Variants in MPHOSPH9 observed in about 807,000 individuals in gnomAD.
The protein encoded by MPHOSPH9 is M-phase phosphoprotein 9.
MPHOSPH9 carries 88 observed loss-of-function variants against 145.5 expected under a neutral mutation model. That is an observed-to-expected ratio of 0.60 (90% confidence interval 0.51 to 0.72). The LOEUF (loss-of-function observed/expected upper bound fraction) is 0.72. MPHOSPH9 is among the 30% of genes least tolerant of loss of function. The probability of loss-of-function intolerance (pLI) is 0.00; values close to 1 mark genes in which losing one functional copy is unlikely to be tolerated. For synonymous variants in MPHOSPH9, 435 were observed against 486.2 expected (o/e 0.89, Z 1.39); for missense variants, 1,238 against 1,386.6 (o/e 0.89, Z 1.70).
rs1051576464 is a variant in MPHOSPH9, at chr12:123,202,687, G to A, written c.1718C>T (p.Thr573Ile). The A allele has an allele frequency of 2.5e-6, 4 of 1,614,014 alleles. No individual in the cohort carries two copies. Among genetic ancestry groups the A allele is most frequent in the Admixed American group, 3.3e-5 (2 of 59,980 alleles). Residue 573 changes from threonine (T) to isoleucine (I), a missense_variant, in exon 10 of 24, where the codon ACA becomes ATA. Thr to Ile is a moderately conservative substitution (Grantham distance 89). This residue lies in a region of MPHOSPH9 where 837 missense variants were observed against 897.5 expected (regional missense o/e 0.93). Coordinates refer to ENST00000606320, the MANE Select transcript of MPHOSPH9 (RefSeq NM_022782.4). ...ASVSQSQLPGTANSVPECISL... is the reference protein window; with the variant it reads ...ASVSQSQLPGIANSVPECISL... ...AATGCATTCTGGGACACTGTTGGCT[G>A]TACCTGGAAGCTGGGACTGACTGAC...
upstream of MPHOSPH9, chr12:123,233,208 T>G (rs959453802): frequency 6.6e-5 from 10 of 152,072 alleles, no homozygotes; most frequent in Admixed American, 1.3e-4. Flanking sequence ...CAGCCTCGCA[T>G]GGCGCGCGCG....
chr12:123,179,891 A>C (rs3759113), intron 15 of MPHOSPH9, 35 bp downstream of exon 15: 51,418 of 1,095,986 alleles, frequency 0.047, 2,157 homozygotes, highest in East Asian at 0.26. Flanking sequence ...AGAACAATTG[A>C]GGTATGTGTA....
At chr12:123,168,419 G>A (rs972755456) in intron 16 of MPHOSPH9, among the ~76,000 whole-genome samples, 1 of 148,350 alleles carries the variant, frequency 6.7e-6, no homozygotes, top group Non-Finnish European at 1.5e-5. Flanking sequence ...TCGGCTCACT[G>A]CAAGCTCCGC....
intron 11 of MPHOSPH9, among the ~76,000 whole-genome samples, chr12:123,198,699 A>T (rs1291186501): frequency 1.3e-5 from 2 of 150,318 alleles, no homozygotes; most frequent in African/African-American, 2.4e-5. Context: ...AGTCCCAGCT[A>T]CTCAGGAGGC....
intron 16 of MPHOSPH9, among the ~76,000 whole-genome samples, chr12:123,176,416 CA>C (rs2044865164): frequency 6.6e-6 from 1 of 151,908 alleles, no homozygotes; most frequent in African/African-American, 2.4e-5. Context: ...AAATGAATTC[CA>C]AAAAAGGTAA....
In MPHOSPH9 at chr12:123,221,519, C is replaced by A; in HGVS notation, c.725G>T (p.Gly242Val). The A allele has an allele frequency of 6.2e-7, 1 of 1,614,218 alleles. No individual in the cohort carries two copies. Among genetic ancestry groups the A allele is most frequent in the Non-Finnish European group, 8.5e-7 (1 of 1,180,050 alleles). ...TATATAAAAATTCTCATTTTTCACA[C>A]CATCTACAAGTGACTCAGCCGGCAC... ...PAVPAESLVD[G>V]VKNENFYIQT... Residue 242 changes from glycine to valine, a missense_variant, in exon 5 of 24, where the codon GGT becomes GTT. By Grantham distance (109) the Gly-to-Val change is moderately radical (BLOSUM62 -3). Transcript: ENST00000606320.
rs776417973 is a variant in MPHOSPH9 at position 123,221,354 on chromosome 12, G to C, written c.872+18C>G. On this transcript the variant is annotated intron_variant, in intron 5 of 23. Transcript: ENST00000606320. ...TAAATGTAATAAACTCCCTTCAAATGATAGAAATTCTACTTACCTATTTGT... is the reference window on the plus strand; with the variant it reads ...TAAATGTAATAAACTCCCTTCAAATCATAGAAATTCTACTTACCTATTTGT... 2.0e-6 allele frequency: 3 copies of C among 1,529,678 alleles called. No individual in the cohort carries two copies. The highest frequency in any genetic ancestry group is 2.5e-5 in the South Asian group (2 of 79,062). 94.8% of individuals were successfully genotyped at this position (1,529,678 alleles called of 1,614,324 possible).
chr12:123,212,916 G>A (rs2046801711), intron 7 of MPHOSPH9, among the ~76,000 whole-genome samples: 1 of 148,792 alleles, frequency 6.7e-6, no homozygotes, highest in African/African-American at 2.5e-5. Context: ...CTGGAGTGCA[G>A]TGGCACAATC....
chr12:123,219,311 G>A (rs1006362129), intron 5 of MPHOSPH9, among the ~76,000 whole-genome samples: 4 of 151,920 alleles, frequency 2.6e-5, no homozygotes, highest in Admixed American at 2.6e-4. Flanking sequence ...AAGACTAACA[G>A]TGACAGGCCT....
chr12:123,226,521 CTTT>C (rs200868180), intron 3 of MPHOSPH9, among the ~76,000 whole-genome samples: 2 of 144,972 alleles, frequency 1.4e-5, no homozygotes, highest in Admixed American at 6.9e-5. Context: ...TTTATATATA[CTTT>C]TTTTTTTTTT....
Position 123,221,741 on chromosome 12 carries a change from T to C in MPHOSPH9, c.503A>G (p.His168Arg). The C allele has an allele frequency of 1.2e-6, 2 of 1,614,172 alleles. No homozygotes were observed. The highest frequency in any genetic ancestry group is 2.2e-5 in the East Asian group (1 of 44,880). Residue 168 changes from histidine (H) to arginine (R), a missense_variant, in exon 5 of 24, where the codon CAT (histidine) becomes CGT (arginine). By Grantham distance (29) the His-to-Arg change is conservative. Transcript: ENST00000606320. ...TTCAGGTTCTGTGGATTCAGGATAATGGATAACAGATTCATTTCTCTCACT... is the reference window on the plus strand; with the variant it reads ...TTCAGGTTCTGTGGATTCAGGATAACGGATAACAGATTCATTTCTCTCACT... ...LSSERNESVI[H>R]YPESTEPEIQ...
chr12:123,152,688 G>A (rs2043798717), downstream of MPHOSPH9: 1 of 419,638 alleles, frequency 2.4e-6, no homozygotes, highest in Non-Finnish European at 4.8e-6. Context: ...AAGAATACTG[G>A]GGTAGTAGTT....
At position 123,155,302 on chromosome 12, in the gene MPHOSPH9, G is replaced by C. The variant is rs2043839264; in HGVS notation, c.*1505C>G. 1.3e-5 allele frequency: 2 copies of C among 152,210 alleles called. No homozygotes were observed. 9.4% of individuals were successfully genotyped at this position (152,210 alleles called of 1,614,324 possible). A position where few individuals can be genotyped will look rare whatever the true frequency, so the allele number is the denominator to read the frequency against. ...TTTGATTAGCCTGAAGTCTTCAAAAGTTGCAGAGTAGGGAGCAAAGGTTCA... is the reference window on the plus strand; with the variant it reads ...TTTGATTAGCCTGAAGTCTTCAAAACTTGCAGAGTAGGGAGCAAAGGTTCA... On this transcript the variant is annotated 3_prime_UTR_variant, in exon 24 of 24. Transcript: ENST00000606320.
At position 123,160,973 on chromosome 12, in the gene MPHOSPH9, T is replaced by G; in HGVS notation, c.3382-124A>C. ...TTCATCTCAACTTAATTTCCCTCTGTCAATTAGTAACGACCACATGGCTCA... is the reference window on the plus strand; with the variant it reads ...TTCATCTCAACTTAATTTCCCTCTGGCAATTAGTAACGACCACATGGCTCA... On this transcript the variant is annotated intron_variant, in intron 22 of 23. Coordinates refer to ENST00000606320, the MANE Select transcript of MPHOSPH9 (RefSeq NM_022782.4). The G allele has an allele frequency of 3.8e-6, 5 of 1,328,210 alleles. No homozygotes were observed. In the South Asian group the frequency reaches 5.4e-5, roughly 14 times the overall value. 82.3% of individuals were successfully genotyped at this position (1,328,210 alleles called of 1,614,324 possible).
intron 5 of MPHOSPH9, among the ~76,000 whole-genome samples, chr12:123,219,076 T>C (rs1157723079): frequency 6.6e-6 from 1 of 151,782 alleles, no homozygotes; most frequent in Non-Finnish European, 1.5e-5. Flanking sequence ...CTAATTTTTC[T>C]ATTTTTTTTG....
At chr12:123,197,818 T>TCA (rs1367126000) in intron 12 of MPHOSPH9, among the ~76,000 whole-genome samples, 1 of 145,438 alleles carries the variant, frequency 6.9e-6, no homozygotes. Flanking sequence ...GTGCAGTGGC[T>TCA]CACGCCTGTA....
rs1366616546 is a variant in MPHOSPH9 at position 123,155,557 on chromosome 12, T to TTTTGAA, written c.*1244_*1249dup. The TTTTGAA allele has an allele frequency of 1.3e-5, 2 of 152,224 alleles. No individual in the cohort carries two copies. The highest frequency in any genetic ancestry group is 4.8e-5 in the African/African-American group (2 of 41,464). 9.4% of individuals were successfully genotyped at this position (152,224 alleles called of 1,614,324 possible). ...CCTGAGCATGTTTAGTACGAATCCATTTTGAAAGTTTGGATGAGTCTGTTT... is the reference window on the plus strand; with the variant it reads ...CCTGAGCATGTTTAGTACGAATCCATTTTGAATTTGAAAGTTTGGATGAGTCTGTTT... On this transcript the variant is annotated 3_prime_UTR_variant, in exon 24 of 24. Coordinates refer to ENST00000606320, the MANE Select transcript of MPHOSPH9 (RefSeq NM_022782.4).
In MPHOSPH9 at chr12:123,186,008, C is replaced by T. The variant is rs545332910; in HGVS notation, c.2242-4798G>A. On this transcript the variant is annotated intron_variant, in intron 13 of 23. Coordinates refer to ENST00000606320, the MANE Select transcript of MPHOSPH9 (RefSeq NM_022782.4). ...TTGGGAGGCCGAGGCGGGTGGATCACGAGGTCAGGAGTTCGAGACCAGCCT... is the reference window on the plus strand; with the variant it reads ...TTGGGAGGCCGAGGCGGGTGGATCATGAGGTCAGGAGTTCGAGACCAGCCT... Among the ~76,000 whole-genome samples, 6 of 151,840 alleles carry T rather than the reference C, an allele frequency of 4.0e-5. No individual in the cohort carries two copies. The South Asian group carries it at 1.0e-3, about 26-fold the overall frequency.
At chr12:123,224,278 CA>C (rs1253305082) in intron 3 of MPHOSPH9, among the ~76,000 whole-genome samples, 2 of 151,700 alleles carry the variant, frequency 1.3e-5, no homozygotes, top group African/African-American at 4.8e-5. Flanking sequence ...GGACTACAGG[CA>C]CCCGCCACCA....
Sources: gnomAD v4.1 joint callset for allele counts (sites outside exome capture counted in the v4.1 genomes callset) on GRCh38, gnomAD v4.1.1 for gene constraint, gnomAD v4.1.1 regional missense constraint, MANE v1.5 for transcripts, NCBI Gene and HGNC (gene_info 2026-07-23, HGNC 2026-07-21) for gene names.